Variants in ABHD2 observed in about 807,000 individuals in gnomAD.
ABHD2 encodes the protein monoacylglycerol lipase ABHD2.
ABHD2 carries 20 observed loss-of-function variants against 48.1 expected under a neutral mutation model. The ratio of observed to expected loss-of-function variants is 0.42; its 90% confidence interval spans 0.29 to 0.60. The LOEUF is 0.60. ABHD2 is among the 20% of genes least tolerant of loss of function. ABHD2 has a pLI of 0.24. For missense variants in ABHD2, 405 were observed against 550.9 expected, an observed-to-expected ratio of 0.74 and a Z score of 2.65; for synonymous variants, 209 against 214.2, an observed-to-expected ratio of 0.98 and a Z score of 0.21.
chr15:89,105,797 C>G (rs994493407), intron 1 of ABHD2, among the ~76,000 whole-genome samples: 1 of 152,080 alleles, frequency 6.6e-6, no homozygotes, highest in Non-Finnish European at 1.5e-5. Context: ...AGGATTGGCC[C>G]TATTGTTTCC....
At chr15:89,059,783 A>C in the ABHD2 span, among the ~76,000 whole-genome samples, 1 of 152,126 alleles carries the variant, frequency 6.6e-6, no homozygotes. Flanking sequence ...TCTACTGTCA[A>C]TGGGAAATGG....
At chr15:89,130,030 G>C (rs1366922578) in intron 3 of ABHD2, among the ~76,000 whole-genome samples, 2 of 152,116 alleles carry the variant, frequency 1.3e-5, no homozygotes, top group African/African-American at 2.4e-5. Flanking sequence ...TCCACATAAG[G>C]AAATACATGT....
intron 1 of ABHD2, among the ~76,000 whole-genome samples, chr15:89,095,375 G>A (rs1202268988): frequency 6.6e-6 from 1 of 152,202 alleles, no homozygotes; most frequent in African/African-American, 2.4e-5. Context: ...AGGTGGTACA[G>A]ACTACACAAT....
the ABHD2 span, among the ~76,000 whole-genome samples, chr15:89,081,449 C>T: frequency 6.6e-6 from 1 of 152,108 alleles, no homozygotes; most frequent in East Asian, 1.9e-4. Context: ...CTGCTATGAA[C>T]CCTGGCATAC....
At chr15:89,169,306 A>T (rs2050883604) in intron 5 of ABHD2, among the ~76,000 whole-genome samples, 1 of 152,074 alleles carries the variant, frequency 6.6e-6, no homozygotes, top group South Asian at 2.1e-4. Context: ...TCATTATGTG[A>T]GGGTGGACAA....
chr15:89,201,263 AT>A lies in ABHD2; in HGVS notation c.*5843del. 8.2e-7 allele frequency: 1 copy of A among 1,214,640 alleles called. No homozygotes were observed. Among genetic ancestry groups the A allele is most frequent in the Non-Finnish European group, 1.2e-6 (1 of 833,010 alleles). 75.2% of individuals were successfully genotyped at this position (1,214,640 alleles called of 1,614,324 possible). On this transcript the variant is annotated 3_prime_UTR_variant, in exon 11 of 11. Transcript: ENST00000352732. ...TTGATTTGCTTCTGATAGCTTCATCATTTCTCCCTGAAGTCTTTTACACTCT... is the reference window on the plus strand; with the variant it reads ...TTGATTTGCTTCTGATAGCTTCATCATTCTCCCTGAAGTCTTTTACACTCT...
chr15:89,076,043 A>G, the ABHD2 span, among the ~76,000 whole-genome samples: 4 of 152,170 alleles, frequency 2.6e-5, no homozygotes, highest in Admixed American at 1.3e-4. Flanking sequence ...TCGCAAGCTC[A>G]TGCTCCACCC....
intron 7 of ABHD2, among the ~76,000 whole-genome samples, chr15:89,187,663 T>A (rs1314627993): frequency 2.6e-5 from 4 of 152,190 alleles, no homozygotes; most frequent in Non-Finnish European, 5.9e-5. Context: ...AAATGATTGC[T>A]CTCCTGAATA....
At chr15:89,059,821 G>T in the ABHD2 span, among the ~76,000 whole-genome samples, 3 of 152,078 alleles carry the variant, frequency 2.0e-5, no homozygotes, top group African/African-American at 7.2e-5. Context: ...TTGCAGAGCC[G>T]CAGTTCCTTC....
intron 1 of ABHD2, among the ~76,000 whole-genome samples, chr15:89,103,596 C>T (rs980064130): frequency 3.3e-5 from 5 of 152,188 alleles, no homozygotes; most frequent in African/African-American, 1.2e-4. Context: ...TGCAAGTGAT[C>T]TGCCCAGAGC....
the ABHD2 span, among the ~76,000 whole-genome samples, chr15:89,067,677 A>G: frequency 6.6e-6 from 1 of 152,016 alleles, no homozygotes; most frequent in African/African-American, 2.4e-5. Flanking sequence ...TTTTCCCAAT[A>G]CTCAGCTTTT....
At chr15:89,134,305 C>T (rs1222196170) in intron 3 of ABHD2, among the ~76,000 whole-genome samples, 1 of 152,110 alleles carries the variant, frequency 6.6e-6, no homozygotes, top group East Asian at 1.9e-4. Context: ...TGAAATGTTT[C>T]ATCCTTCCAG....
rs544056142 is a variant in ABHD2 at position 89,154,514 on chromosome 15, C to T, written c.371-853C>T. Among the ~76,000 whole-genome samples, 6 of 152,328 alleles carry T rather than the reference C, an allele frequency of 3.9e-5. No individual in the cohort carries two copies. The South Asian group carries it at 1.2e-3, about 32-fold the overall frequency. On this transcript the variant is annotated intron_variant, in intron 4 of 10. Transcript: ENST00000352732. ...AGTATCTCTCTCTCTGTCCTCTACTCTCCATCCCTACCCCTGCTCAGTGGT... is the reference window on the plus strand; with the variant it reads ...AGTATCTCTCTCTCTGTCCTCTACTTTCCATCCCTACCCCTGCTCAGTGGT...
rs114071255 is a variant in ABHD2 at position 89,101,972 on chromosome 15, T to C, written c.-106-11753T>C. On this transcript the variant is annotated intron_variant, in intron 1 of 10. Transcript: ENST00000352732. ...ATATGAACAACAGTGCACAGCCCTA[T>C]GCGCACAGCCAAGGCAGCACCTGTG... Among the ~76,000 whole-genome samples, 362 of 152,314 alleles carry C rather than the reference T, an allele frequency of 2.4e-3. 1 individual carries two copies. The highest frequency in any genetic ancestry group is 8.3e-3 in the African/African-American group (346 of 41,576).
At chr15:89,138,697 C>CATAT (rs1470047635) in intron 3 of ABHD2, among the ~76,000 whole-genome samples, 1 of 152,024 alleles carries the variant, frequency 6.6e-6, no homozygotes, top group Non-Finnish European at 1.5e-5. Flanking sequence ...TTTGAAGAAA[C>CATAT]ATTATTTAAT....
At chr15:89,113,355 G>T (rs189364304) in intron 1 of ABHD2, among the ~76,000 whole-genome samples, 4 of 152,322 alleles carry the variant, frequency 2.6e-5, no homozygotes. Flanking sequence ...GTGCTGTCTC[G>T]ATCTCAAGCC....
Position 89,185,511 on chromosome 15 carries a change from G to A in ABHD2, c.810G>A (p.Ser270=), listed in dbSNP as rs202074494. The A allele has an allele frequency of 1.4e-4, 218 of 1,613,592 alleles. No individual in the cohort carries two copies. The highest frequency in any genetic ancestry group is 1.7e-4 in the Non-Finnish European group (197 of 1,179,770). ...MADNMKKIIL[S]HRQALFGDHV... ...ACAACATGAAGAAGATCATCCTCTC[G>A]CACAGGTAGGTCACCTTCCGTTCTC... Residue 270 remains serine, a synonymous_variant, in exon 7 of 11, where the codon TCG becomes TCA. Transcript: ENST00000352732. This position sits in a 1 kb window ranked among gnomAD's most constrained non-coding sequence, Gnocchi z 5.9.
At chr15:89,043,230 T>A in the ABHD2 span, among the ~76,000 whole-genome samples, 5 of 152,250 alleles carry the variant, frequency 3.3e-5, no homozygotes, top group South Asian at 1.0e-3. Flanking sequence ...TGAGCTCTTC[T>A]AGCACCCTAG....
Position 89,195,308 on chromosome 15 carries a change from A to C in ABHD2, c.1163A>C (p.Glu388Ala). The change falls in exon 11 of 11, where the codon GAG becomes GCG. Residue 388 changes from glutamate (E) to alanine (A), a missense_variant. By Grantham distance (107) the Glu-to-Ala change is moderately radical (BLOSUM62 -1). Coordinates refer to ENST00000352732, the MANE Select transcript of ABHD2 (RefSeq NM_152924.5). This position sits in a 1 kb window ranked among gnomAD's most constrained non-coding sequence, Gnocchi z 5.1. ...GFFEGSVLFP[E>A]PLTWMDKLVV... The stretch of plus-strand genomic sequence containing the variant: ...TTTGAGGGCTCTGTGCTGTTCCCCG[A>C]GCCCCTGACATGGATGGATAAGCTG... The C allele has an allele frequency of 2.5e-6, 4 of 1,614,202 alleles. No homozygotes were observed. The highest frequency in any genetic ancestry group is 3.4e-6 in the Non-Finnish European group (4 of 1,180,028).
Sources: allele counts gnomAD v4.1 joint callset (sites outside exome capture counted in the v4.1 genomes callset), GRCh38; gene constraint gnomAD v4.1.1; non-coding constraint Gnocchi (gnomAD v3.1); transcripts MANE v1.5; gene names NCBI Gene and HGNC (gene_info 2026-07-23, HGNC 2026-07-21).